Variants in SCFD2 observed in about 807,000 individuals in gnomAD.
SCFD2 encodes sec1 family domain containing 2, also known as sec1 family domain-containing protein 2.
A neutral mutation model predicts 58.9 loss-of-function variants in SCFD2; 54 were observed. The ratio of observed to expected loss-of-function variants is 0.92; its 90% CI spans 0.74 to 1.15. The LOEUF (loss-of-function observed/expected upper bound fraction) is 1.15, where lower values mean the gene tolerates loss of function less well. SCFD2 is among the 50% of genes most tolerant of loss of function. SCFD2 has a pLI of 0.00. For synonymous variants in SCFD2, 321 were observed against 335.9 expected, an observed-to-expected ratio of 0.96 and a Z score of 0.49; for missense variants, 805 against 836.6, an observed-to-expected ratio of 0.96 and a Z score of 0.47.
At chr4:53,249,351 G>T (rs1203003968) in intron 4 of SCFD2, among the ~76,000 whole-genome samples, 1 of 152,156 alleles carries the variant, frequency 6.6e-6, no homozygotes, top group Non-Finnish European at 1.5e-5. Context: ...GAAAGTGACA[G>T]GGAGAATGGA....
intron 5 of SCFD2, among the ~76,000 whole-genome samples, chr4:53,062,148 G>A (rs1723532220): frequency 6.6e-6 from 1 of 151,918 alleles, no homozygotes; most frequent in Non-Finnish European, 1.5e-5. Context: ...GAGGTGGGCA[G>A]ATCACTTGAG....
rs530210287 is a variant in SCFD2, at chr4:52,946,490, T to C, written c.1562-25620A>G. ...TGATGAAAATACCTAAAATTCAGAGTTCCTTCTTAAGCAAAGAGAAAGGAG... is the reference window on the plus strand; with the variant it reads ...TGATGAAAATACCTAAAATTCAGAGCTCCTTCTTAAGCAAAGAGAAAGGAG... On this transcript the variant is annotated intron_variant, in intron 5 of 8. Transcript: ENST00000401642. Among the ~76,000 whole-genome samples the C allele has an allele frequency of 4.1e-4, 62 of 152,186 alleles. 1 individual carries two copies. The highest frequency in any genetic ancestry group is 1.4e-3 in the African/African-American group (60 of 41,550).
intron 5 of SCFD2, among the ~76,000 whole-genome samples, chr4:52,981,588 A>G (rs1721375914): frequency 6.6e-6 from 1 of 152,072 alleles, no homozygotes; most frequent in Non-Finnish European, 1.5e-5. Flanking sequence ...TCATTGCTAG[A>G]AAGGATCAAG....
intron 5 of SCFD2, among the ~76,000 whole-genome samples, chr4:53,037,444 T>A (rs1347849285): frequency 6.6e-6 from 1 of 152,132 alleles, no homozygotes; most frequent in African/African-American, 2.4e-5. Context: ...TAATACAAAA[T>A]TTTAAAGCTA....
chr4:52,995,356 G>GATT (rs1450969414), intron 5 of SCFD2, among the ~76,000 whole-genome samples: 4 of 152,170 alleles, frequency 2.6e-5, no homozygotes, highest in African/African-American at 9.7e-5. Flanking sequence ...AGCTCAGGCG[G>GATT]TAATGCTCCC....
At chr4:53,108,724 A>G (rs1311485258) in intron 5 of SCFD2, among the ~76,000 whole-genome samples, 4 of 152,208 alleles carry the variant, frequency 2.6e-5, no homozygotes, top group Non-Finnish European at 5.9e-5. Context: ...GGCAGTAATT[A>G]ATAGCCTACC....
intron 5 of SCFD2, among the ~76,000 whole-genome samples, chr4:53,071,015 T>C (rs1723798249): frequency 6.6e-6 from 1 of 152,126 alleles, no homozygotes; most frequent in Non-Finnish European, 1.5e-5. Context: ...GATATAAGCA[T>C]AAGTGTCATA....
intron 7 of SCFD2, among the ~76,000 whole-genome samples, chr4:52,896,636 C>T (rs950336008): frequency 3.3e-5 from 5 of 152,078 alleles, no homozygotes; most frequent in African/African-American, 4.8e-5. Context: ...ATTGACTTGG[C>T]GATGTGGGCT....
At chr4:52,958,971 A>G (rs1288321576) in intron 5 of SCFD2, among the ~76,000 whole-genome samples, 1 of 152,200 alleles carries the variant, frequency 6.6e-6, no homozygotes, top group African/African-American at 2.4e-5. Context: ...AATCCTCCCA[A>G]TAACTCTTGA....
intron 2 of SCFD2, among the ~76,000 whole-genome samples, chr4:53,348,603 G>C (rs370044577): frequency 6.6e-6 from 1 of 151,762 alleles, no homozygotes; most frequent in African/African-American, 2.4e-5. Flanking sequence ...ACCACCTATC[G>C]CTTTATCTTT....
intron 5 of SCFD2, among the ~76,000 whole-genome samples, chr4:52,943,476 G>A (rs1245480945): frequency 6.6e-6 from 1 of 152,116 alleles, no homozygotes; most frequent in African/African-American, 2.4e-5. Flanking sequence ...ACCAGGTGTA[G>A]CTTCTCTTTA....
At chr4:53,304,717 T>A (rs1336869670) in intron 3 of SCFD2, among the ~76,000 whole-genome samples, 2 of 152,004 alleles carry the variant, frequency 1.3e-5, no homozygotes, top group Admixed American at 6.6e-5. Context: ...TCTAGTTCGC[T>A]ATTCGTCTAA....
intron 4 of SCFD2, among the ~76,000 whole-genome samples, chr4:53,256,542 T>C (rs1730639360): frequency 1.3e-5 from 2 of 151,922 alleles, no homozygotes; most frequent in Admixed American, 1.3e-4. Context: ...TGGGAGGTGG[T>C]TGTAGTGAGC....
intron 4 of SCFD2, among the ~76,000 whole-genome samples, chr4:53,195,905 A>G (rs1728044185): frequency 6.6e-6 from 1 of 152,188 alleles, no homozygotes; most frequent in African/African-American, 2.4e-5. Flanking sequence ...CATATGTGAA[A>G]TATCAAATAA....
chr4:52,934,631 TAGTC>T (rs1309023702), intron 5 of SCFD2, among the ~76,000 whole-genome samples: 1 of 152,184 alleles, frequency 6.6e-6, no homozygotes, highest in Admixed American at 6.5e-5. Context: ...CACATAGTCA[TAGTC>T]AGCATGTACT....
intron 3 of SCFD2, among the ~76,000 whole-genome samples, chr4:53,311,284 G>GT (rs1474116528): frequency 2.0e-5 from 3 of 151,924 alleles, no homozygotes; most frequent in Non-Finnish European, 4.4e-5. Context: ...ACAATCCTCT[G>GT]TTTTTTTCCT....
At chr4:53,084,564 G>A (rs1408137076) in intron 5 of SCFD2, among the ~76,000 whole-genome samples, 1 of 152,174 alleles carries the variant, frequency 6.6e-6, no homozygotes, top group Non-Finnish European at 1.5e-5. Context: ...ACAGGCATAA[G>A]AAATTATAAA....
At chr4:53,082,444 A>G (rs1655310239) in intron 5 of SCFD2, among the ~76,000 whole-genome samples, 1 of 152,176 alleles carries the variant, frequency 6.6e-6, no homozygotes, top group Non-Finnish European at 1.5e-5. Flanking sequence ...GCATTTCGCT[A>G]GTGGCTAATG....
intron 4 of SCFD2, among the ~76,000 whole-genome samples, chr4:53,262,919 C>G (rs1730870114): frequency 6.6e-6 from 1 of 152,182 alleles, no homozygotes; most frequent in South Asian, 2.1e-4. Flanking sequence ...AACATAGTCC[C>G]AAGCTTCCTG....
Sources: gnomAD v4.1 joint callset for allele counts (sites outside exome capture counted in the v4.1 genomes callset) on GRCh38, gnomAD v4.1.1 for gene constraint, MANE v1.5 for transcripts, NCBI Gene and HGNC (gene_info 2026-07-23, HGNC 2026-07-21) for gene names.